ARMH4: variants seen among roughly 807,000 people sequenced by gnomAD.
ARMH4 encodes the protein armadillo like helical domain containing 4.
In ARMH4, 49 loss-of-function variants were observed where a neutral mutation model predicts 61.9. That is an observed-to-expected ratio of 0.79 (90% CI 0.63 to 1.00). The LOEUF is 1.00. ARMH4 is among the 50% of genes least tolerant of loss of function. ARMH4 has a pLI of 0.00. For missense variants in ARMH4, 934 were observed against 930.0 expected (o/e 1.00, Z -0.06); for synonymous variants, 368 against 341.5 (o/e 1.08, Z -0.85).
intron 4 of ARMH4, among the ~76,000 whole-genome samples, chr14:58,102,546 T>C (rs1009852719): frequency 6.6e-6 from 1 of 151,502 alleles, no homozygotes; most frequent in Non-Finnish European, 1.5e-5. Context: ...GCGCGGTGGC[T>C]CACGCCTGTA....
At chr14:58,090,991 C>T (rs895320506) in intron 5 of ARMH4, among the ~76,000 whole-genome samples, 8 of 151,576 alleles carry the variant, frequency 5.3e-5, no homozygotes, top group Admixed American at 5.3e-4. Flanking sequence ...CGAGTGCAGG[C>T]AGATCACTTG....
chr14:58,038,460 C>T (rs1188183432), intron 5 of ARMH4, among the ~76,000 whole-genome samples: 1 of 132,102 alleles, frequency 7.6e-6, no homozygotes, highest in African/African-American at 2.8e-5. Flanking sequence ...CTAGATGACA[C>T]GTTAGTGGGT....
In ARMH4 at chr14:58,032,973, G is replaced by T. The variant is rs1193535912; in HGVS notation, c.2090-20823C>A. 3.4e-5 allele frequency among the ~76,000 whole-genome samples: 5 copies of T among 146,278 alleles called. No individual in the cohort carries two copies. The South Asian group carries it at 9.3e-4, about 27-fold the overall frequency. ...ACTGCAAGGCGGCAACGAGGCTGGGGGAGGGGCGCCCGCCATTGCCCAGGC... is the reference window on the plus strand; with the variant it reads ...ACTGCAAGGCGGCAACGAGGCTGGGTGAGGGGCGCCCGCCATTGCCCAGGC... On this transcript the variant is annotated intron_variant, in intron 5 of 7. Transcript: ENST00000267485.
chr14:58,051,842 C>T (rs1884152908), intron 5 of ARMH4, among the ~76,000 whole-genome samples: 1 of 152,146 alleles, frequency 6.6e-6, no homozygotes, highest in Non-Finnish European at 1.5e-5. Flanking sequence ...TGGCATGCTG[C>T]TTCCCCAACT....
At chr14:58,032,940 A>C (rs544009140) in intron 5 of ARMH4, among the ~76,000 whole-genome samples, 3 of 149,828 alleles carry the variant, frequency 2.0e-5, no homozygotes, top group African/African-American at 4.9e-5. Flanking sequence ...ACAGCAGTCT[A>C]AGATCAAACT....
At chr14:58,057,731 G>A (rs538658484) in intron 5 of ARMH4, among the ~76,000 whole-genome samples, 1 of 152,304 alleles carries the variant, frequency 6.6e-6, no homozygotes, top group East Asian at 1.9e-4. Context: ...CAGGAGCTAA[G>A]TGTCCTCTAG....
In ARMH4 at chr14:58,084,138, A is replaced by C. The variant is rs143030461; in HGVS notation, c.2089+12586T>G. On this transcript the variant is annotated intron_variant, in intron 5 of 7. Transcript: ENST00000267485. ...CCTGGGGAGGTGTGGCAGGTGCTCA[A>C]ATGAAGAATGCAAAGTGAGAATGAT... 1.3e-4 allele frequency among the ~76,000 whole-genome samples: 20 copies of C among 152,238 alleles called. 1 individual carries two copies. In the East Asian group the frequency reaches 3.9e-3, roughly 29 times the overall value.
At chr14:58,131,847 T>C in intron 3 of ARMH4, 126 bp from the exon 4 acceptor site, 1 of 794,942 alleles carries the variant, frequency 1.3e-6, no homozygotes. Flanking sequence ...AGTTTGGCAC[T>C]TGGGTCAGCT....
rs1232551181 is a variant in ARMH4 at position 58,152,166 on chromosome 14, G to GGCGGTA, written c.-154_-149dup. The GGCGGTA allele has an allele frequency of 2.5e-5, 4 of 160,700 alleles. No individual in the cohort carries two copies. Among genetic ancestry groups the GGCGGTA allele is most frequent in the African/African-American group, 4.8e-5 (2 of 41,532 alleles). 10.0% of individuals were successfully genotyped at this position (160,700 alleles called of 1,614,324 possible). On this transcript the variant is annotated 5_prime_UTR_variant, in exon 1 of 8. Transcript: ENST00000267485. ...CAGCGGCGGGCCCTGCGGCGGCGGC[G>GGCGGTA]GCGGTAGCGGCGGCGACTCCCTCCG... is the stretch of plus-strand genomic sequence containing the variant.
rs941093412 is a variant in ARMH4 at position 58,004,064 on chromosome 14, G to A, written c.*672C>T. 1 of 152,150 alleles carries A rather than the reference G, an allele frequency of 6.6e-6. No individual in the cohort carries two copies. The highest frequency in any genetic ancestry group is 1.5e-5 in the Non-Finnish European group (1 of 68,036). The allele number at this position is 152,150 out of a possible 1,614,324, so 9.4% of individuals were successfully genotyped here. A position where few individuals can be genotyped will look rare whatever the true frequency, so the allele number is the denominator to read the frequency against. ...GACAGCAAACGTACATTAAGACTAA[G>A]AGTCAGTTTAATGTATTATTTCTAG... On this transcript the variant is annotated 3_prime_UTR_variant, in exon 8 of 8. Transcript: ENST00000267485.
intron 5 of ARMH4, among the ~76,000 whole-genome samples, chr14:58,062,682 G>A (rs1884570815): frequency 1.3e-5 from 2 of 152,248 alleles, no homozygotes; most frequent in Admixed American, 6.5e-5. Flanking sequence ...AGCCCCCAGA[G>A]ATAGGCCCAT....
chr14:58,080,867 C>T (rs533462526), intron 5 of ARMH4, among the ~76,000 whole-genome samples: 5 of 151,974 alleles, frequency 3.3e-5, no homozygotes, highest in South Asian at 4.2e-4. Context: ...TTTGGGAGGC[C>T]GAGGCGGGCA....
chr14:58,064,925 C>T (rs1884653801), intron 5 of ARMH4, among the ~76,000 whole-genome samples: 1 of 152,108 alleles, frequency 6.6e-6, no homozygotes. Context: ...AGGATGAATT[C>T]TACAAGTCAA....
intron 5 of ARMH4, among the ~76,000 whole-genome samples, chr14:58,066,562 T>C (rs1030726494): frequency 2.6e-5 from 4 of 152,144 alleles, no homozygotes; most frequent in African/African-American, 9.7e-5. Flanking sequence ...GTGGCTAATT[T>C]TATGTTATGT....
intron 3 of ARMH4, among the ~76,000 whole-genome samples, chr14:58,132,633 C>T (rs939396436): frequency 3.5e-5 from 5 of 141,440 alleles, no homozygotes; most frequent in African/African-American, 7.7e-5. Context: ...GTCACCAAGC[C>T]GGAGTGCAGT....
intron 5 of ARMH4, among the ~76,000 whole-genome samples, chr14:58,013,414 A>G (rs368681519): frequency 6.9e-6 from 1 of 145,860 alleles, no homozygotes; most frequent in East Asian, 2.3e-4. Flanking sequence ...AAGCATTCGC[A>G]TTCTTTGCTC....
At chr14:58,080,384 C>T (rs992887044) in intron 5 of ARMH4, among the ~76,000 whole-genome samples, 21 of 152,288 alleles carry the variant, frequency 1.4e-4, no homozygotes, top group Middle Eastern at 3.4e-3. Context: ...CCACCTCGGC[C>T]TCCCAAACTG....
chr14:58,056,790 T>C (rs1458930945), intron 5 of ARMH4, among the ~76,000 whole-genome samples: 1 of 152,194 alleles, frequency 6.6e-6, no homozygotes, highest in Non-Finnish European at 1.5e-5. Flanking sequence ...CTCCCCTTTT[T>C]CTGTAACAAC....
chr14:58,148,444 T>C (rs1257210204), intron 1 of ARMH4, among the ~76,000 whole-genome samples: 1 of 152,166 alleles, frequency 6.6e-6, no homozygotes, highest in Non-Finnish European at 1.5e-5. Context: ...TTCTGGCCCA[T>C]TCTTTCCCCA....
Sources: allele counts gnomAD v4.1 joint callset (sites outside exome capture counted in the v4.1 genomes callset), GRCh38; gene constraint gnomAD v4.1.1; transcripts MANE v1.5; gene names NCBI Gene and HGNC (gene_info 2026-07-23, HGNC 2026-07-21).